SUGCT: variants seen among roughly 807,000 people sequenced by gnomAD.
The protein encoded by SUGCT is succinyl-CoA:glutarate CoA-transferase.
In SUGCT, 41 loss-of-function variants were observed where a neutral mutation model predicts 55.0. That is an observed-to-expected ratio of 0.74 (90% CI 0.58 to 0.97). SUGCT has a LOEUF of 0.97. Among genes scored for constraint, SUGCT ranks in the 50% least tolerant of loss-of-function variants. The probability of loss-of-function intolerance (pLI) is 0.00; values close to 1 mark genes in which losing one functional copy is unlikely to be tolerated. For missense variants in SUGCT, 568 were observed against 547.8 expected (o/e 1.04, Z -0.37); for synonymous variants, 187 against 200.4 (o/e 0.93, Z 0.56).
At chr7:40,736,122 A>G (rs1359777390) in intron 12 of SUGCT, among the ~76,000 whole-genome samples, 4 of 151,074 alleles carry the variant, frequency 2.6e-5, no homozygotes, top group South Asian at 4.2e-4. Context: ...CAAGAGAGGC[A>G]GAGACATACA....
At chr7:40,707,645 A>T (rs931778693) in intron 12 of SUGCT, among the ~76,000 whole-genome samples, 3 of 152,236 alleles carry the variant, frequency 2.0e-5, no homozygotes, top group African/African-American at 4.8e-5. Context: ...TTTTAAAACC[A>T]GCACCTACAA....
intron 9 of SUGCT, among the ~76,000 whole-genome samples, chr7:40,424,517 G>C (rs1473242359): frequency 1.3e-5 from 2 of 152,156 alleles, no homozygotes; most frequent in African/African-American, 4.8e-5. Context: ...GTAGGGGTTT[G>C]TGAGCATTAA....
At chr7:40,384,362 A>T (rs1785011012) in intron 9 of SUGCT, among the ~76,000 whole-genome samples, 1 of 152,164 alleles carries the variant, frequency 6.6e-6, no homozygotes, top group Non-Finnish European at 1.5e-5. Flanking sequence ...AGCGTGTAAG[A>T]AAGTGAAGCT....
At chr7:40,490,390 G>A (rs1040735479) in intron 11 of SUGCT, among the ~76,000 whole-genome samples, 8 of 152,246 alleles carry the variant, frequency 5.3e-5, no homozygotes, top group South Asian at 4.2e-4. Flanking sequence ...ATGAGATCTC[G>A]GAATGGTGGG....
At chr7:40,359,144 G>T (rs1336413070) in intron 9 of SUGCT, among the ~76,000 whole-genome samples, 1 of 152,054 alleles carries the variant, frequency 6.6e-6, no homozygotes, top group Non-Finnish European at 1.5e-5. Flanking sequence ...TTTATGTTCT[G>T]TCATGTATGT....
intron 12 of SUGCT, among the ~76,000 whole-genome samples, chr7:40,629,180 T>G (rs998129170): frequency 6.6e-6 from 1 of 152,114 alleles, no homozygotes; most frequent in Non-Finnish European, 1.5e-5. Flanking sequence ...TTCAAACAGC[T>G]ACATACAGCC....
At chr7:40,778,785 G>A (rs548892656) in intron 13 of SUGCT, among the ~76,000 whole-genome samples, 1 of 152,336 alleles carries the variant, frequency 6.6e-6, no homozygotes, top group East Asian at 1.9e-4. Flanking sequence ...TATAATTTTT[G>A]TGTAGAAACA....
At chr7:40,228,091 A>T (rs1788495108) in intron 6 of SUGCT, among the ~76,000 whole-genome samples, 1 of 152,070 alleles carries the variant, frequency 6.6e-6, no homozygotes, top group Admixed American at 6.6e-5. Context: ...CATGTTGGTC[A>T]GTCTGTTTTG....
At chr7:41,006,513 G>A in the SUGCT span, among the ~76,000 whole-genome samples, 1 of 152,160 alleles carries the variant, frequency 6.6e-6, no homozygotes, top group East Asian at 1.9e-4. Flanking sequence ...GTTCCTGAAA[G>A]TTATTCATTT....
chr7:40,137,275 A>G lies in SUGCT; in HGVS notation c.100+2155A>G, dbSNP rs562656581. On this transcript the variant is annotated intron_variant, in intron 1 of 13. Coordinates refer to ENST00000335693, the MANE Select transcript of SUGCT (RefSeq NM_001193313.2). ...CCCAAGTAGCTGGGAGTACAGGCTC[A>G]TGCTACCATGCCTGGCTAATTTTTT... 3.3e-5 allele frequency among the ~76,000 whole-genome samples: 5 copies of G among 152,142 alleles called. No homozygotes were observed. The East Asian group carries it at 9.7e-4, about 30-fold the overall frequency.
the SUGCT span, among the ~76,000 whole-genome samples, chr7:40,927,333 G>T: frequency 1.3e-5 from 2 of 152,074 alleles, no homozygotes; most frequent in African/African-American, 4.8e-5. Flanking sequence ...CTCTTGTCTT[G>T]CCTTGCTCTT....
At chr7:40,905,514 T>C in the SUGCT span, among the ~76,000 whole-genome samples, 54 of 152,202 alleles carry the variant, frequency 3.5e-4, no homozygotes, top group Non-Finnish European at 2.9e-5. Flanking sequence ...CACTGCACTG[T>C]GTCTCATTCA....
chr7:40,792,663 C>T (rs1790371049), intron 13 of SUGCT, among the ~76,000 whole-genome samples: 1 of 152,026 alleles, frequency 6.6e-6, no homozygotes, highest in Admixed American at 6.6e-5. Flanking sequence ...GAGAATGGGC[C>T]AATCATGGGA....
chr7:40,787,789 A>G (rs757749878), intron 13 of SUGCT, among the ~76,000 whole-genome samples: 2 of 151,204 alleles, frequency 1.3e-5, no homozygotes, highest in African/African-American at 2.4e-5. Context: ...GCGAAACACC[A>G]CAGGAAAAAA....
intron 12 of SUGCT, among the ~76,000 whole-genome samples, chr7:40,664,139 C>A (rs114294477): frequency 2.0e-5 from 3 of 152,134 alleles, no homozygotes; most frequent in Non-Finnish European, 2.9e-5. Context: ...CCATGATTTT[C>A]GATTTCTACC....
At chr7:40,432,948 C>T (rs138327793) in intron 9 of SUGCT, among the ~76,000 whole-genome samples, 56 of 151,880 alleles carry the variant, frequency 3.7e-4, no homozygotes, top group African/African-American at 9.9e-4. Flanking sequence ...CCTATGGATC[C>T]GCTTGATGGT....
At chr7:40,844,639 A>G (rs968806224) in intron 13 of SUGCT, among the ~76,000 whole-genome samples, 46 of 152,132 alleles carry the variant, frequency 3.0e-4, no homozygotes, top group African/African-American at 1.0e-3. Context: ...AAAAGGCAAC[A>G]TTTCGGGTGG....
intron 12 of SUGCT, among the ~76,000 whole-genome samples, chr7:40,653,385 T>C (rs1186905613): frequency 6.6e-6 from 1 of 152,224 alleles, no homozygotes. Flanking sequence ...ACCCAATTCT[T>C]GAGCTTATTA....
In SUGCT at chr7:40,165,637, G is replaced by A. The variant is rs548295240; in HGVS notation, c.101-15310G>A. On this transcript the variant is annotated intron_variant, in intron 1 of 13. Coordinates refer to ENST00000335693, the MANE Select transcript of SUGCT (RefSeq NM_001193313.2). Reference sequence around the variant, plus strand: ...TCCCCTACTCCCACCCAGCCCATCAGTTCTTTCAGAAATATGCAAAATTTG... The same window carrying A: ...TCCCCTACTCCCACCCAGCCCATCAATTCTTTCAGAAATATGCAAAATTTG... Among the ~76,000 whole-genome samples the A allele has an allele frequency of 2.0e-5, 3 of 152,250 alleles. No homozygotes were observed. The South Asian group carries it at 6.2e-4, about 32-fold the overall frequency.
Sources: gnomAD v4.1 joint callset for allele counts (sites outside exome capture counted in the v4.1 genomes callset) on GRCh38, gnomAD v4.1.1 for gene constraint, MANE v1.5 for transcripts, NCBI Gene and HGNC (gene_info 2026-07-23, HGNC 2026-07-21) for gene names.